The following SUPT3H variants were observed in gnomAD, a reference collection of about 807,000 sequenced individuals.
SUPT3H encodes SPT3 homolog, SAGA and STAGA complex component, also known as transcription initiation protein SPT3 homolog.
Under a neutral mutation model 44.3 loss-of-function variants are expected in SUPT3H, and 44 were observed. That is an observed-to-expected ratio of 0.99 (90% confidence interval 0.78 to 1.28). The LOEUF is 1.28. Ranked by LOEUF, SUPT3H falls within the 50% of genes most tolerant of loss-of-function variation. The pLI is 0.00. For synonymous variants in SUPT3H, 124 were observed against 125.6 expected, an observed-to-expected ratio of 0.99 and a Z score of 0.09; for missense variants, 380 against 387.1, an observed-to-expected ratio of 0.98 and a Z score of 0.15.
At chr6:45,077,154 G>A (rs1795099784) in intron 3 of SUPT3H, among the ~76,000 whole-genome samples, 1 of 151,984 alleles carries the variant, frequency 6.6e-6, no homozygotes, top group African/African-American at 2.4e-5. Context: ...TTCTTTTAAG[G>A]AAGAAGTAAT....
intron 3 of SUPT3H, among the ~76,000 whole-genome samples, chr6:45,069,113 A>C (rs991374835): frequency 6.6e-6 from 1 of 152,224 alleles, no homozygotes; most frequent in Admixed American, 6.5e-5. Context: ...ATGTGAATGT[A>C]AAATACTGAA....
At chr6:45,373,144 G>T (rs950309115) in intron 1 of SUPT3H, among the ~76,000 whole-genome samples, 1 of 151,936 alleles carries the variant, frequency 6.6e-6, no homozygotes, top group Non-Finnish European at 1.5e-5. Flanking sequence ...TAGAGACCAG[G>T]TCTCACTATA....
intron 2 of SUPT3H, among the ~76,000 whole-genome samples, chr6:45,266,723 T>C (rs1430729623): frequency 6.6e-6 from 1 of 152,110 alleles, no homozygotes; most frequent in Non-Finnish European, 1.5e-5. Flanking sequence ...TTCAGTCATA[T>C]ATAAAAACTC....
intron 2 of SUPT3H, among the ~76,000 whole-genome samples, chr6:45,317,227 CAAAAA>C (rs70996324): frequency 5.5e-5 from 2 of 36,082 alleles, no homozygotes; most frequent in Non-Finnish European, 4.8e-5. Context: ...GACTCTGTCT[CAAAAA>C]AAAAAAAAAA....
At chr6:45,063,351 A>C (rs1792542192) in intron 3 of SUPT3H, among the ~76,000 whole-genome samples, 1 of 151,222 alleles carries the variant, frequency 6.6e-6, no homozygotes, top group Non-Finnish European at 1.5e-5. Context: ...TAAAACCACA[A>C]AGATGGGGAA....
chr6:45,315,670 C>T (rs1469798961), intron 2 of SUPT3H, among the ~76,000 whole-genome samples: 2 of 152,148 alleles, frequency 1.3e-5, no homozygotes, highest in African/African-American at 4.8e-5. Context: ...CACTTCTACA[C>T]TGCTGGTAGG....
intron 3 of SUPT3H, among the ~76,000 whole-genome samples, chr6:45,075,543 C>G (rs1405462062): frequency 6.6e-6 from 1 of 152,104 alleles, no homozygotes; most frequent in Non-Finnish European, 1.5e-5. Flanking sequence ...ATTACATTAT[C>G]TGGTAAATTT....
chr6:45,162,382 G>C (rs1482350963), intron 2 of SUPT3H, among the ~76,000 whole-genome samples: 1 of 152,022 alleles, frequency 6.6e-6, no homozygotes, highest in African/African-American at 2.4e-5. Flanking sequence ...CTCTTAGCCA[G>C]CTGGGGTGGT....
At chr6:44,994,872 G>A (rs934317897) in intron 6 of SUPT3H, among the ~76,000 whole-genome samples, 10 of 151,588 alleles carry the variant, frequency 6.6e-5, no homozygotes, top group South Asian at 2.1e-4. Context: ...ATCTACCTCT[G>A]GGCTTTGTTA....
At chr6:45,298,828 C>T (rs1048639572) in intron 2 of SUPT3H, among the ~76,000 whole-genome samples, 1 of 151,986 alleles carries the variant, frequency 6.6e-6, no homozygotes, top group African/African-American at 2.4e-5. Context: ...AGTATATAAC[C>T]AAATTTATCT....
At chr6:45,017,677 A>T (rs1415597734) in intron 4 of SUPT3H, among the ~76,000 whole-genome samples, 3 of 147,840 alleles carry the variant, frequency 2.0e-5, no homozygotes, top group African/African-American at 7.4e-5. Flanking sequence ...GTTATTTCTG[A>T]GGGCTCTGTT....
At chr6:45,042,536 C>T (rs1788701755) in intron 3 of SUPT3H, among the ~76,000 whole-genome samples, 1 of 152,128 alleles carries the variant, frequency 6.6e-6, no homozygotes, top group Non-Finnish European at 1.5e-5. Context: ...TATTTGGTAT[C>T]ATAAGGGAAA....
intron 5 of SUPT3H, among the ~76,000 whole-genome samples, chr6:45,014,271 G>C (rs1783914947): frequency 6.6e-6 from 1 of 152,048 alleles, no homozygotes; most frequent in Non-Finnish European, 1.5e-5. Context: ...TGATGGTTTA[G>C]CAAAACTGAA....
chr6:45,065,584 G>T (rs1401892666), intron 3 of SUPT3H, among the ~76,000 whole-genome samples: 1 of 151,562 alleles, frequency 6.6e-6, no homozygotes, highest in South Asian at 2.1e-4. Context: ...AAGAAAAAAA[G>T]AGACAAGAAT....
At chr6:44,838,465 TGAA>T (rs1230368922) in intron 10 of SUPT3H, among the ~76,000 whole-genome samples, 2 of 152,092 alleles carry the variant, frequency 1.3e-5, no homozygotes, top group East Asian at 3.9e-4. Flanking sequence ...GGAGGTTTCT[TGAA>T]GAAGTCACAC....
At chr6:45,282,524 G>A (rs534670883) in intron 2 of SUPT3H, among the ~76,000 whole-genome samples, 2 of 152,156 alleles carry the variant, frequency 1.3e-5, no homozygotes, top group Admixed American at 1.3e-4. Context: ...AGTGAGAAGA[G>A]AAGTTTCGAA....
At chr6:45,375,142 G>A (rs917217802) in intron 1 of SUPT3H, among the ~76,000 whole-genome samples, 1 of 152,186 alleles carries the variant, frequency 6.6e-6, no homozygotes, top group South Asian at 2.1e-4. Context: ...AGGAGGGGGA[G>A]GTTGCAGTGA....
rs575621727 is a variant in SUPT3H, at chr6:45,268,560, C to T, written c.101+96641G>A. ...ACATCAACTGACATGAATTTTTATT[C>T]TCACTGTAAGCAATTATACAAGTGT... On this transcript the variant is annotated intron_variant, in intron 2 of 10. Transcript: ENST00000371459. 4.6e-5 allele frequency among the ~76,000 whole-genome samples: 7 copies of T among 152,274 alleles called. No individual in the cohort carries two copies. The South Asian group carries it at 1.2e-3, about 27-fold the overall frequency.
chr6:45,282,864 C>T (rs1778425200), intron 2 of SUPT3H, among the ~76,000 whole-genome samples: 1 of 152,150 alleles, frequency 6.6e-6, no homozygotes, highest in Non-Finnish European at 1.5e-5. Flanking sequence ...TAACGGAAGC[C>T]CATCAGACTA....
Sources: allele counts gnomAD v4.1 joint callset (sites outside exome capture counted in the v4.1 genomes callset), GRCh38; gene constraint gnomAD v4.1.1; transcripts MANE v1.5; gene names NCBI Gene and HGNC (gene_info 2026-07-23, HGNC 2026-07-21).